Variants in ZNF385D observed in about 807,000 individuals in gnomAD.
The protein encoded by ZNF385D is zinc finger protein 385D, also known as zinc finger protein 659.
In ZNF385D, 15 loss-of-function variants were observed where a neutral mutation model predicts 35.8. That is an observed-to-expected ratio of 0.42 (90% CI 0.28 to 0.64). ZNF385D has a LOEUF of 0.64. Ranked by LOEUF, ZNF385D falls within the 30% of genes least tolerant of loss-of-function variation. ZNF385D has a pLI of 0.23. For missense variants in ZNF385D, 474 were observed against 494.6 expected (o/e 0.96, Z 0.39); for synonymous variants, 212 against 186.8 (o/e 1.13, Z -1.10).
At chr3:21,820,198 T>C (rs112908930) in intron 3 of ZNF385D, among the ~76,000 whole-genome samples, 2,687 of 151,942 alleles carry the variant, frequency 0.018, 79 homozygotes, top group African/African-American at 0.06. Flanking sequence ...TTTATACAGA[T>C]TGATATTTAT....
At chr3:21,994,119 T>C (rs1022791607) in intron 3 of ZNF385D, among the ~76,000 whole-genome samples, 12 of 152,224 alleles carry the variant, frequency 7.9e-5, no homozygotes, top group Admixed American at 4.6e-4. Context: ...TACTGGGATA[T>C]GGTTTTCCTT....
rs114782438 is a variant in ZNF385D, at chr3:22,159,445, C to G, written c.325+9372G>C. The stretch of plus-strand genomic sequence containing the variant: ...TATTGGATGGATTCCAGACAGGAGT[C>G]GGTCTGGATTATCAGGCTCAGGTTG... On this transcript the variant is annotated intron_variant, in intron 3 of 5. Transcript: ENST00000494108. Among the ~76,000 whole-genome samples the G allele has an allele frequency of 3.2e-3, 488 of 152,056 alleles. 3 individuals carry two copies. The highest frequency in any genetic ancestry group is 0.011 in the African/African-American group (467 of 41,494).
At chr3:22,212,949 C>T (rs888755397) in intron 2 of ZNF385D, among the ~76,000 whole-genome samples, 2 of 151,804 alleles carry the variant, frequency 1.3e-5, no homozygotes, top group East Asian at 3.9e-4. Flanking sequence ...AATTTAGAAC[C>T]AATAGACTGT....
chr3:21,850,254 T>A (rs1229949251), intron 3 of ZNF385D, among the ~76,000 whole-genome samples: 2 of 152,032 alleles, frequency 1.3e-5, no homozygotes, highest in Non-Finnish European at 2.9e-5. Flanking sequence ...ACTAGGAAAG[T>A]GGATAATTCT....
intron 2 of ZNF385D, among the ~76,000 whole-genome samples, chr3:22,340,397 G>T (rs1440692421): frequency 6.6e-6 from 1 of 152,144 alleles, no homozygotes; most frequent in Non-Finnish European, 1.5e-5. Flanking sequence ...TGTAATCTCA[G>T]CACTTTCTGA....
chr3:21,716,131 C>T (rs1441498715), intron 1 of ZNF385D, among the ~76,000 whole-genome samples: 1 of 152,096 alleles, frequency 6.6e-6, no homozygotes, highest in Non-Finnish European at 1.5e-5. Flanking sequence ...CATTTCTTAC[C>T]ACCTCCAATG....
chr3:22,208,097 G>C (rs1247194154), intron 2 of ZNF385D, among the ~76,000 whole-genome samples: 1 of 151,842 alleles, frequency 6.6e-6, no homozygotes, highest in Non-Finnish European at 1.5e-5. Context: ...CAAAAGAAAA[G>C]AAATCAGTAT....
At chr3:21,572,496 G>C (rs766430671) in intron 2 of ZNF385D, among the ~76,000 whole-genome samples, 6 of 152,122 alleles carry the variant, frequency 3.9e-5, no homozygotes, top group Non-Finnish European at 7.4e-5. Context: ...ACTTTAAAGT[G>C]AAGGACATAG....
intron 3 of ZNF385D, among the ~76,000 whole-genome samples, chr3:21,853,769 A>C (rs375626280): frequency 2.3e-4 from 35 of 151,878 alleles, no homozygotes; most frequent in African/African-American, 8.2e-4. Flanking sequence ...TAATTTCTTC[A>C]TGGATTACAG....
At chr3:21,946,858 A>G (rs1701814380) in intron 3 of ZNF385D, among the ~76,000 whole-genome samples, 1 of 152,214 alleles carries the variant, frequency 6.6e-6, no homozygotes, top group African/African-American at 2.4e-5. Flanking sequence ...AAACATTAAA[A>G]AAATTACTTT....
intron 3 of ZNF385D, among the ~76,000 whole-genome samples, chr3:21,912,562 C>A (rs9870527): frequency 0.011 from 1,676 of 152,040 alleles, 31 homozygotes; most frequent in African/African-American, 0.037. Flanking sequence ...TCGAAGCACT[C>A]CAGTGGATTG....
At chr3:22,078,031 A>C (rs1405957806) in intron 3 of ZNF385D, among the ~76,000 whole-genome samples, 3 of 152,002 alleles carry the variant, frequency 2.0e-5, no homozygotes, top group Non-Finnish European at 4.4e-5. Flanking sequence ...ATTGGATTTC[A>C]AAACTGAAGA....
chr3:21,633,839 T>C (rs533562718), intron 2 of ZNF385D, among the ~76,000 whole-genome samples: 1 of 152,074 alleles, frequency 6.6e-6, no homozygotes, highest in Non-Finnish European at 1.5e-5. Context: ...ACCTAATAAA[T>C]CTATGATCTT....
chr3:21,992,236 A>T (rs537328637), intron 3 of ZNF385D, among the ~76,000 whole-genome samples: 3 of 152,160 alleles, frequency 2.0e-5, no homozygotes, highest in African/African-American at 7.2e-5. Flanking sequence ...ATCCAGTAGA[A>T]GTCAAAGATC....
rs78785597 is a variant in ZNF385D, at chr3:21,548,904, T to G, written c.276+15670A>C. 1.4e-4 allele frequency among the ~76,000 whole-genome samples: 21 copies of G among 152,346 alleles called. No homozygotes were observed. The East Asian group carries it at 3.3e-3, about 24-fold the overall frequency. ...TGAAAAAGTCAACTAAATATTTTGG[T>G]CTTTGGTTTCTCAACCTATACAATG... On this transcript the variant is annotated intron_variant, in intron 3 of 7. Coordinates refer to ENST00000281523, the MANE Select transcript of ZNF385D (RefSeq NM_024697.3).
intron 2 of ZNF385D, among the ~76,000 whole-genome samples, chr3:22,199,777 G>C (rs1043979324): frequency 2.0e-5 from 3 of 152,044 alleles, no homozygotes; most frequent in Non-Finnish European, 1.5e-5. Context: ...AAAAACTGAA[G>C]AGAATTAATA....
chr3:22,090,274 C>A (rs1284675539), intron 3 of ZNF385D, among the ~76,000 whole-genome samples: 2 of 152,138 alleles, frequency 1.3e-5, no homozygotes, highest in Admixed American at 6.6e-5. Flanking sequence ...TGCTTCATTG[C>A]AGTGCTGAGC....
At position 22,156,947 on chromosome 3, in the gene ZNF385D, A is replaced by G. The variant is rs139881694; in HGVS notation, c.325+11870T>C. 6.0e-3 allele frequency among the ~76,000 whole-genome samples: 906 copies of G among 152,254 alleles called. 8 individuals are homozygous for G. The highest frequency in any genetic ancestry group is 0.021 in the African/African-American group (864 of 41,566). On this transcript the variant is annotated intron_variant, in intron 3 of 5. Coordinates refer to the ZNF385D transcript ENST00000494108. ...GATAATCTATCATTTTACAAGTTCC[A>G]GATCTCCCACAGAGTTCGCCTATTT...
At chr3:22,200,863 G>A (rs1696743385) in intron 2 of ZNF385D, among the ~76,000 whole-genome samples, 1 of 152,122 alleles carries the variant, frequency 6.6e-6, no homozygotes, top group African/African-American at 2.4e-5. Flanking sequence ...ATATGGCTCT[G>A]TTCCACCTGG....
Sources: gnomAD v4.1 joint callset for allele counts (sites outside exome capture counted in the v4.1 genomes callset) on GRCh38, gnomAD v4.1.1 for gene constraint, MANE v1.5 for transcripts, NCBI Gene and HGNC (gene_info 2026-07-23, HGNC 2026-07-21) for gene names.